The following KIF3B variants were observed in gnomAD, a reference collection of about 807,000 sequenced individuals.
The protein encoded by KIF3B is kinesin family member 3B.
Under a neutral mutation model 74.3 loss-of-function variants are expected in KIF3B, and 38 were observed. That is an observed-to-expected ratio of 0.51 (90% CI 0.39 to 0.67). The LOEUF is 0.67. KIF3B is among the 30% of genes least tolerant of loss of function. The probability of loss-of-function intolerance (pLI) is 0.00; values close to 1 mark genes in which losing one functional copy is unlikely to be tolerated. For synonymous variants in KIF3B, 326 were observed against 342.5 expected (o/e 0.95, Z 0.53); for missense variants, 649 against 932.0 (o/e 0.70, Z 3.95).
intron 1 of KIF3B, 46 bp from the exon 2 acceptor site, chr20:32,309,667 G>C: frequency 8.2e-7 from 1 of 1,220,498 alleles, no homozygotes; most frequent in Non-Finnish European, 1.1e-6. Context: ...CAGGCAGGCT[G>C]CAATGACAAC....
chr20:32,325,390 A>G (rs2047897495), intron 5 of KIF3B, among the ~76,000 whole-genome samples: 1 of 152,070 alleles, frequency 6.6e-6, no homozygotes, highest in East Asian at 1.9e-4. Context: ...GGGTTTTGCC[A>G]TGTTTATCAG....
Position 32,307,372 on chromosome 20 carries a change from C to G in KIF3B, c.-65-2341C>G, listed in dbSNP as rs532488020. Among the ~76,000 whole-genome samples the G allele has an allele frequency of 1.3e-4, 20 of 152,264 alleles. 1 individual carries two copies. The South Asian group carries it at 4.1e-3, about 32-fold the overall frequency. ...TATAGGATTACATTTAGATTACCAC[C>G]TTCTTTTTAATAACTGCATAGGATT... On this transcript the variant is annotated intron_variant, in intron 1 of 8. Coordinates refer to ENST00000375712, the MANE Select transcript of KIF3B (RefSeq NM_004798.4).
rs566620222 is a variant in KIF3B, at chr20:32,312,108, T to C, written c.1404+927T>C. Among the ~76,000 whole-genome samples the C allele has an allele frequency of 9.4e-4, 135 of 143,174 alleles. No individual in the cohort carries two copies. The Middle Eastern group carries it at 0.018, about 19-fold the overall frequency. The allele number at this position is 143,174 out of a possible 152,430, so 93.9% of individuals were successfully genotyped here. On this transcript the variant is annotated intron_variant, in intron 2 of 8. Coordinates refer to ENST00000375712, the MANE Select transcript of KIF3B (RefSeq NM_004798.4). ...GTGAGCCACCGTGTCCGGCTTTTTT[T>C]TTTCTTTCTTTCTTTTTTTTTTTTG...
chr20:32,332,851 C>CTT lies in KIF3B; in HGVS notation c.*1533_*1534insTT, dbSNP rs1347697574. 2 of 152,628 alleles carry CTT rather than the reference C, an allele frequency of 1.3e-5. No homozygotes were observed. Among genetic ancestry groups the CTT allele is most frequent in the Admixed American group, 1.3e-4 (2 of 15,268 alleles). The allele number at this position is 152,628 out of a possible 1,614,324, so 9.5% of individuals were successfully genotyped here. On this transcript the variant is annotated 3_prime_UTR_variant, in exon 9 of 9. Transcript: ENST00000375712. ...GCTGGAAGCATTCCCATGTGGGTGT[C>CTT]TGAGTCCATGAGCCAAGCCTGAGGG...
At chr20:32,299,623 G>T (rs2047733976) in intron 1 of KIF3B, among the ~76,000 whole-genome samples, 1 of 150,972 alleles carries the variant, frequency 6.6e-6, no homozygotes, top group Admixed American at 6.6e-5. Context: ...TGTTGGCCAG[G>T]GTGGTTTCAA....
chr20:32,299,973 C>T (rs374561775), intron 1 of KIF3B, among the ~76,000 whole-genome samples: 1 of 151,284 alleles, frequency 6.6e-6, no homozygotes, highest in African/African-American at 2.4e-5. Flanking sequence ...GATGGGGTCT[C>T]CTTCTGTTCC....
chr20:32,305,949 G>C (rs2047768262), intron 1 of KIF3B, among the ~76,000 whole-genome samples: 1 of 151,650 alleles, frequency 6.6e-6, no homozygotes, highest in Non-Finnish European at 1.5e-5. Flanking sequence ...AGTAGACCAT[G>C]GTGGCAGGTG....
chr20:32,288,158 G>A (rs1026506888), intron 1 of KIF3B, among the ~76,000 whole-genome samples: 34 of 151,784 alleles, frequency 2.2e-4, no homozygotes, highest in Non-Finnish European at 1.2e-4. Context: ...TGGGATTACA[G>A]GCGTGAGCCA....
intron 1 of KIF3B, among the ~76,000 whole-genome samples, chr20:32,284,218 C>T (rs1283298417): frequency 6.6e-6 from 1 of 152,236 alleles, no homozygotes; most frequent in Non-Finnish European, 1.5e-5. Context: ...GGATTACAGG[C>T]ATGAGCCACA....
intron 2 of KIF3B, among the ~76,000 whole-genome samples, chr20:32,315,625 A>G (rs1304693583): frequency 6.6e-6 from 1 of 152,094 alleles, no homozygotes; most frequent in South Asian, 2.1e-4. Context: ...AGGTGGGAGG[A>G]TTGCTTGAAC....
chr20:32,301,535 C>T (rs1046721909), intron 1 of KIF3B, among the ~76,000 whole-genome samples: 1 of 151,938 alleles, frequency 6.6e-6, no homozygotes, highest in Non-Finnish European at 1.5e-5. Context: ...CACCACTATG[C>T]CCAGCTAATT....
chr20:32,320,177 G>A (rs1223519172), intron 5 of KIF3B, among the ~76,000 whole-genome samples: 1 of 152,128 alleles, frequency 6.6e-6, no homozygotes, highest in Non-Finnish European at 1.5e-5. Flanking sequence ...TTACAGGCGT[G>A]AGCCACTGTG....
rs943869051 is a variant in KIF3B at position 32,331,347 on chromosome 20, A to G, written c.*28A>G. The G allele has an allele frequency of 1.3e-6, 2 of 1,560,466 alleles. No homozygotes were observed. On this transcript the variant is annotated 3_prime_UTR_variant, in exon 9 of 9. Coordinates refer to ENST00000375712, the MANE Select transcript of KIF3B (RefSeq NM_004798.4). Reference sequence around the variant, plus strand: ...CCAGCTTCTCCTCTCCCAGGGCGGAAACAGCATTTGCCTTCTGAGAGAAGA... The same window carrying G: ...CCAGCTTCTCCTCTCCCAGGGCGGAGACAGCATTTGCCTTCTGAGAGAAGA...
At chr20:32,309,014 C>T (rs915969621) in intron 1 of KIF3B, among the ~76,000 whole-genome samples, 7 of 151,728 alleles carry the variant, frequency 4.6e-5, no homozygotes, top group Non-Finnish European at 4.4e-5. Context: ...CGCGCCCAGC[C>T]GCTTATTTTA....
At chr20:32,321,359 G>A (rs2047858738) in intron 5 of KIF3B, among the ~76,000 whole-genome samples, 1 of 151,748 alleles carries the variant, frequency 6.6e-6, no homozygotes, top group South Asian at 2.1e-4. Context: ...AACCTGGGAG[G>A]TGTAGGTTGC....
chr20:32,298,343 G>A (rs1349752445), intron 1 of KIF3B, among the ~76,000 whole-genome samples: 2 of 149,974 alleles, frequency 1.3e-5, no homozygotes, highest in African/African-American at 2.5e-5. Flanking sequence ...AGGCTGAGGC[G>A]GAAAATCGCC....
At position 32,310,760 on chromosome 20, in the gene KIF3B, T is replaced by C; in HGVS notation, c.983T>C (p.Leu328Pro). Residue 328 changes from leucine (L) to proline (P), a missense_variant, in exon 2 of 9, where the codon CTG (leucine) becomes CCG (proline). Coordinates refer to ENST00000375712, the MANE Select transcript of KIF3B (RefSeq NM_004798.4). The surrounding 1 kb of genome is among the most constrained non-coding windows in gnomAD (Gnocchi z 6.5). Reference sequence around the variant, plus strand: ...GCCTCTTACAACGTAGAAGAGACTCTGACCACTCTGCGATATGCCAACCGT... The same window carrying C: ...GCCTCTTACAACGTAGAAGAGACTCCGACCACTCTGCGATATGCCAACCGT... ...GPASYNVEET[L>P]TTLRYANRAK... is the part of the protein sequence containing the mutation. 6.2e-7 allele frequency: 1 copy of C among 1,614,188 alleles called. No individual in the cohort carries two copies. Among genetic ancestry groups the C allele is most frequent in the Non-Finnish European group, 8.5e-7 (1 of 1,180,028 alleles).
In KIF3B at chr20:32,322,746, T is replaced by A. The variant is rs1471956614; in HGVS notation, c.1749-4025T>A. 8.2e-3 allele frequency among the ~76,000 whole-genome samples: 251 copies of A among 30,620 alleles called. 40 individuals are homozygous for A. Among genetic ancestry groups the A allele is most frequent in the East Asian group, 0.034 (7 of 206 alleles). 20.1% of individuals were successfully genotyped at this position (30,620 alleles called of 152,430 possible). A position where few individuals can be genotyped will look rare whatever the true frequency, so the allele number is the denominator to read the frequency against. Reference sequence around the variant, plus strand: ...TATTTATTTATTTATATATATTTATTTATATATATATTTATATATATTTAT... The same window carrying A: ...TATTTATTTATTTATATATATTTATATATATATATATTTATATATATTTAT... On this transcript the variant is annotated intron_variant, in intron 5 of 8. Transcript: ENST00000375712.
intron 2 of KIF3B, among the ~76,000 whole-genome samples, chr20:32,314,131 C>G (rs1199800403): frequency 6.6e-6 from 1 of 152,210 alleles, no homozygotes; most frequent in East Asian, 1.9e-4. Flanking sequence ...CTCTCAGAGG[C>G]TGAGTCTGCA....
Sources: allele counts gnomAD v4.1 joint callset (sites outside exome capture counted in the v4.1 genomes callset), GRCh38; gene constraint gnomAD v4.1.1; non-coding constraint Gnocchi (gnomAD v3.1); transcripts MANE v1.5; gene names NCBI Gene and HGNC (gene_info 2026-07-23, HGNC 2026-07-21).